The following DAB1 variants were observed in gnomAD, a reference collection of about 807,000 sequenced individuals.
The protein encoded by DAB1 is disabled homolog 1.
Under a neutral mutation model 64.6 loss-of-function variants are expected in DAB1, and 15 were observed. That is an observed-to-expected ratio of 0.23 (90% CI 0.16 to 0.36). DAB1 has a LOEUF of 0.36. Ranked by LOEUF, DAB1 falls within the 10% of genes least tolerant of loss-of-function variation. The pLI is 1.00. For synonymous variants in DAB1, 235 were observed against 251.9 expected (o/e 0.93, Z 0.64); for missense variants, 596 against 706.7 (o/e 0.84, Z 1.78).
intron 2 of DAB1, among the ~76,000 whole-genome samples, chr1:57,154,654 T>C (rs1220807551): frequency 6.6e-6 from 1 of 152,196 alleles, no homozygotes; most frequent in Non-Finnish European, 1.5e-5. Context: ...ATTTATATTC[T>C]CACCAACAGT....
At chr1:57,685,480 C>A (rs1248753995) in intron 6 of DAB1, among the ~76,000 whole-genome samples, 1 of 152,084 alleles carries the variant, frequency 6.6e-6, no homozygotes, top group Non-Finnish European at 1.5e-5. Context: ...CTTCAACAAC[C>A]CATTGACAGT....
chr1:58,536,490 TA>T (rs763503776), intron 1 of DAB1: 185 of 850,518 alleles, frequency 2.2e-4, no homozygotes, highest in Non-Finnish European at 3.6e-4. Context: ...GCAGTCTAAT[TA>T]AAAACAACTC....
At position 57,713,134 on chromosome 1, in the gene DAB1, C is replaced by A. The variant is rs923407954; in HGVS notation, n.552-63469G>T. ...GCCGGGATGTTAATCACATGCTAAC[C>A]CAATTTCCTCTATGAATTTATTACT... On this transcript the variant is annotated intron_variant and non_coding_transcript_variant, in intron 6 of 20. Transcript: ENST00000485760. Among the ~76,000 whole-genome samples, 7 of 152,150 alleles carry A rather than the reference C, an allele frequency of 4.6e-5. 1 individual carries two copies. The highest frequency in any genetic ancestry group is 1.7e-4 in the African/African-American group (7 of 41,436).
intron 1 of DAB1, among the ~76,000 whole-genome samples, chr1:57,391,985 G>A (rs144982877): frequency 2.6e-5 from 4 of 152,218 alleles, no homozygotes; most frequent in East Asian, 1.9e-4. Flanking sequence ...CAATGTCTTA[G>A]TGATTTTTAA....
At chr1:57,431,440 C>T (rs1368741842) in intron 7 of DAB1, among the ~76,000 whole-genome samples, 1 of 152,188 alleles carries the variant, frequency 6.6e-6, no homozygotes, top group Non-Finnish European at 1.5e-5. Context: ...TGCTGTTTCT[C>T]TTCTGAGGTC....
chr1:58,514,197 AATATAAATGT>A (rs1438273992), intron 2 of DAB1, among the ~76,000 whole-genome samples: 1 of 152,198 alleles, frequency 6.6e-6, no homozygotes, highest in East Asian at 1.9e-4. Flanking sequence ...CAATCCAGAG[AATATAAATGT>A]ATATGAATAT....
chr1:58,479,428 T>C (rs898716576), intron 3 of DAB1, among the ~76,000 whole-genome samples: 2 of 152,228 alleles, frequency 1.3e-5, no homozygotes, highest in African/African-American at 4.8e-5. Context: ...TCTGAACTTA[T>C]CTTCTTAACA....
At chr1:57,459,897 T>C (rs116110306) in intron 7 of DAB1, among the ~76,000 whole-genome samples, 23 of 152,326 alleles carry the variant, frequency 1.5e-4, no homozygotes, top group African/African-American at 5.5e-4. Context: ...TTGATCAAAT[T>C]CTTGTTCTGC....
intron 1 of DAB1, among the ~76,000 whole-genome samples, chr1:57,872,966 C>G (rs1643978764): frequency 6.6e-6 from 1 of 152,030 alleles, no homozygotes; most frequent in South Asian, 2.1e-4. Context: ...TAGGTCTGGA[C>G]TGGATGGTTA....
chr1:57,574,853 T>C (rs1444588644), intron 7 of DAB1, among the ~76,000 whole-genome samples: 1 of 152,196 alleles, frequency 6.6e-6, no homozygotes. Flanking sequence ...GGGTAGCTCC[T>C]GGAAACACAA....
intron 2 of DAB1, among the ~76,000 whole-genome samples, chr1:58,521,368 T>C (rs1236372439): frequency 6.6e-6 from 1 of 151,102 alleles, no homozygotes. Flanking sequence ...GTAGTATTCA[T>C]CTTAAGTTAG....
intron 7 of DAB1, among the ~76,000 whole-genome samples, chr1:57,563,251 T>C (rs1645074277): frequency 6.6e-6 from 1 of 152,254 alleles, no homozygotes; most frequent in African/African-American, 2.4e-5. Context: ...ATTTTCTTCT[T>C]CTTTTGTTAA....
intron 7 of DAB1, among the ~76,000 whole-genome samples, chr1:57,637,337 C>T (rs762643986): frequency 2.0e-5 from 3 of 152,262 alleles, no homozygotes; most frequent in African/African-American, 4.8e-5. Flanking sequence ...GTGTTGTCAG[C>T]GTAATGATAA....
intron 6 of DAB1, among the ~76,000 whole-genome samples, chr1:57,766,429 C>T (rs1649314406): frequency 6.6e-6 from 1 of 152,096 alleles, no homozygotes; most frequent in Admixed American, 6.6e-5. Context: ...CACTCTTTTT[C>T]TAGCTCAACC....
chr1:58,024,191 G>A (rs895815446), intron 5 of DAB1, among the ~76,000 whole-genome samples: 1 of 152,180 alleles, frequency 6.6e-6, no homozygotes, highest in South Asian at 2.1e-4. Context: ...CATAAGATCA[G>A]AAAATTGCTG....
chr1:57,152,226 G>C (rs755383821), intron 2 of DAB1, among the ~76,000 whole-genome samples: 12 of 152,308 alleles, frequency 7.9e-5, no homozygotes, highest in African/African-American at 2.4e-4. Context: ...CAGTGCGGTA[G>C]GGGAGGGTGC....
At chr1:57,767,863 T>C (rs962572596) in intron 6 of DAB1, among the ~76,000 whole-genome samples, 2 of 152,042 alleles carry the variant, frequency 1.3e-5, no homozygotes, top group African/African-American at 4.8e-5. Context: ...ATATCATATA[T>C]AATAGGCATA....
Position 57,276,178 on chromosome 1 carries a change from G to T in DAB1, c.67+14786C>A, listed in dbSNP as rs970414492. ...TGTGTGCACACAGTAGTGTGCAGGA[G>T]AAAAATACTGAAAGAAAATATACCT... On this transcript the variant is annotated intron_variant, in intron 2 of 14. Transcript: ENST00000371236. Among the ~76,000 whole-genome samples the T allele has an allele frequency of 2.0e-5, 3 of 152,308 alleles. No individual in the cohort carries two copies. The East Asian group carries it at 5.8e-4, about 29-fold the overall frequency.
intron 8 of DAB1, among the ~76,000 whole-genome samples, chr1:57,067,411 G>A (rs921530546): frequency 6.6e-6 from 1 of 152,130 alleles, no homozygotes; most frequent in African/African-American, 2.4e-5. Flanking sequence ...CTGGGACCCT[G>A]GGCAAGTTAC....
Sources: allele counts gnomAD v4.1 joint callset (sites outside exome capture counted in the v4.1 genomes callset), GRCh38; gene constraint gnomAD v4.1.1; transcripts MANE v1.5; gene names NCBI Gene and HGNC (gene_info 2026-07-23, HGNC 2026-07-21).